The following UVRAG variants were observed in gnomAD, a reference collection of about 807,000 sequenced individuals.
The protein encoded by UVRAG is UV radiation resistance-associated gene protein.
A neutral mutation model predicts 78.0 loss-of-function variants in UVRAG; 19 were observed. The ratio of observed to expected loss-of-function variants is 0.24; its 90% CI spans 0.17 to 0.36. The LOEUF (loss-of-function observed/expected upper bound fraction) is 0.36. Among genes scored for constraint, UVRAG ranks in the 10% least tolerant of loss-of-function variants. The pLI, the probability that UVRAG is intolerant of heterozygous loss-of-function variation, is 1.00. For missense variants in UVRAG, 740 were observed against 853.8 expected, an observed-to-expected ratio of 0.87 and a Z score of 1.66; for synonymous variants, 323 against 324.6, an observed-to-expected ratio of 1.00 and a Z score of 0.05.
chr11:75,828,722 TGTGTGTGTGTATATATATATATATAC>T, intron 1 of UVRAG, among the ~76,000 whole-genome samples: 2 of 121,870 alleles, frequency 1.6e-5, no homozygotes, highest in Non-Finnish European at 3.2e-5. Flanking sequence ...TGTATATATA[TGTGTGTGTGTATATATATATATATAC>T]ACACACATAT....
At chr11:75,908,734 T>A (rs1465845532) in intron 5 of UVRAG, among the ~76,000 whole-genome samples, 1 of 145,198 alleles carries the variant, frequency 6.9e-6, no homozygotes, top group Non-Finnish European at 1.5e-5. Context: ...TTTTTTTTTT[T>A]TTTTTGTGGG....
At chr11:75,911,875 A>T in intron 5 of UVRAG, 79 bp from the exon 6 acceptor site, 1 of 1,011,228 alleles carries the variant, frequency 9.9e-7, no homozygotes, top group Non-Finnish European at 1.5e-6. Context: ...TCATATTTTT[A>T]AAAAGACAAG....
At chr11:75,908,958 T>C (rs956641379) in intron 5 of UVRAG, among the ~76,000 whole-genome samples, 1 of 152,148 alleles carries the variant, frequency 6.6e-6, no homozygotes, top group Admixed American at 6.5e-5. Context: ...TTATAAGCCT[T>C]CTTATTTCTG....
chr11:76,105,636 A>C (rs942586786), intron 13 of UVRAG, among the ~76,000 whole-genome samples: 2 of 151,632 alleles, frequency 1.3e-5, no homozygotes, highest in Admixed American at 1.3e-4. Flanking sequence ...TGTAGTCCCA[A>C]CTACTCAGGA....
intron 8 of UVRAG, among the ~76,000 whole-genome samples, chr11:75,995,334 A>T (rs1949685115): frequency 6.6e-6 from 1 of 152,036 alleles, no homozygotes; most frequent in African/African-American, 2.4e-5. Context: ...AAACAAACAC[A>T]TTATTTTGGT....
At chr11:75,885,435 T>C (rs1947054034) in intron 4 of UVRAG, among the ~76,000 whole-genome samples, 1 of 152,142 alleles carries the variant, frequency 6.6e-6, no homozygotes, top group African/African-American at 2.4e-5. Flanking sequence ...TGTGAACAAG[T>C]ATTGTTTTCT....
chr11:76,072,416 T>C (rs1951330058), intron 13 of UVRAG, among the ~76,000 whole-genome samples: 1 of 152,182 alleles, frequency 6.6e-6, no homozygotes, highest in Non-Finnish European at 1.5e-5. Context: ...TTTGTTTGCT[T>C]TGTTTTTTAA....
chr11:76,070,961 C>T (rs964716789), intron 13 of UVRAG, among the ~76,000 whole-genome samples: 49 of 152,134 alleles, frequency 3.2e-4, no homozygotes, highest in Non-Finnish European at 1.0e-4. Context: ...GAATTTTACA[C>T]TTAAACATGG....
At chr11:75,878,878 G>A (rs1468089432) in intron 3 of UVRAG, among the ~76,000 whole-genome samples, 1 of 144,130 alleles carries the variant, frequency 6.9e-6, no homozygotes, top group Non-Finnish European at 1.5e-5. Flanking sequence ...AGACCGTGGG[G>A]AGACGGGACA....
intron 14 of UVRAG, among the ~76,000 whole-genome samples, chr11:76,118,050 G>A (rs73498281): frequency 0.022 from 3,375 of 152,228 alleles, 127 homozygotes; most frequent in African/African-American, 0.077. Context: ...TTATGACATT[G>A]GGTCTTCCTA....
At chr11:76,019,296 C>G (rs1002572292) in intron 12 of UVRAG, among the ~76,000 whole-genome samples, 1 of 152,228 alleles carries the variant, frequency 6.6e-6, no homozygotes, top group Non-Finnish European at 1.5e-5. Context: ...TTTGAATTCT[C>G]TGTCCGAAAG....
At chr11:76,045,406 G>A (rs1039310413) in intron 12 of UVRAG, among the ~76,000 whole-genome samples, 2 of 152,146 alleles carry the variant, frequency 1.3e-5, no homozygotes, top group Non-Finnish European at 2.9e-5. Context: ...TTTTAAAAAT[G>A]ATTAACCAAA....
At chr11:76,056,488 G>A (rs1220801351) in intron 12 of UVRAG, among the ~76,000 whole-genome samples, 1 of 152,160 alleles carries the variant, frequency 6.6e-6, no homozygotes, top group African/African-American at 2.4e-5. Flanking sequence ...AAGAGTTCTG[G>A]TTGCTCCACA....
chr11:76,135,442 C>T (rs1285753319), intron 14 of UVRAG, among the ~76,000 whole-genome samples: 2 of 152,190 alleles, frequency 1.3e-5, no homozygotes, highest in African/African-American at 4.8e-5. Context: ...CATCTAAACT[C>T]CAGGCCAGTT....
intron 12 of UVRAG, among the ~76,000 whole-genome samples, chr11:76,039,546 A>G (rs146088480): frequency 6.6e-6 from 1 of 152,348 alleles, no homozygotes; most frequent in East Asian, 1.9e-4. Context: ...CAAACTGAAA[A>G]TGAATACAAT....
At chr11:75,860,172 T>C (rs1389215979) in intron 2 of UVRAG, among the ~76,000 whole-genome samples, 2 of 152,244 alleles carry the variant, frequency 1.3e-5, no homozygotes, top group African/African-American at 2.4e-5. Flanking sequence ...CTTGAACTGC[T>C]GACTTCAGGT....
chr11:75,855,157 CTTTTTT>C (rs1946260893), intron 2 of UVRAG, among the ~76,000 whole-genome samples: 1 of 152,104 alleles, frequency 6.6e-6, no homozygotes, highest in Non-Finnish European at 1.5e-5. Flanking sequence ...AGCAAAGTGC[CTTTTTT>C]GTTTTTGTTT....
At chr11:75,962,620 G>T (rs1048543952) in intron 7 of UVRAG, among the ~76,000 whole-genome samples, 1 of 152,058 alleles carries the variant, frequency 6.6e-6, no homozygotes, top group African/African-American at 2.4e-5. Flanking sequence ...AACATCTTCC[G>T]TTTCAAAGGT....
chr11:76,029,349 T>G (rs924679223), intron 12 of UVRAG, among the ~76,000 whole-genome samples: 3 of 152,168 alleles, frequency 2.0e-5, no homozygotes, highest in Non-Finnish European at 4.4e-5. Flanking sequence ...TAAGTCTTCT[T>G]ATTTAAGAAA....
Sources: allele counts gnomAD v4.1 joint callset (sites outside exome capture counted in the v4.1 genomes callset), GRCh38; gene constraint gnomAD v4.1.1; transcripts MANE v1.5; gene names NCBI Gene and HGNC (gene_info 2026-07-23, HGNC 2026-07-21).